ANXA5: variants seen among roughly 807,000 people sequenced by gnomAD.
The protein encoded by ANXA5 is CBP-I.
In ANXA5, 40 loss-of-function variants were observed where a neutral mutation model predicts 48.1. The ratio of observed to expected loss-of-function variants is 0.83; its 90% CI spans 0.65 to 1.08. The LOEUF is 1.08. Among genes scored for constraint, ANXA5 ranks in the 50% least tolerant of loss-of-function variants. ANXA5 has a pLI of 0.00. For missense variants in ANXA5, 357 were observed against 376.8 expected, an observed-to-expected ratio of 0.95 and a Z score of 0.44; for synonymous variants, 113 against 129.1, an observed-to-expected ratio of 0.88 and a Z score of 0.85.
Position 121,685,703 on chromosome 4 carries a change from A to C in ANXA5, c.94+585T>G, listed in dbSNP as rs1005816635. On this transcript the variant is annotated intron_variant, in intron 3 of 12. Coordinates refer to ENST00000296511, the MANE Select transcript of ANXA5 (RefSeq NM_001154.4). ...AATCCTTGAGATGAGAGGTTTTTAA[A>C]TGACTAGAAAAGAGGCTGGGGAAAG... Among the ~76,000 whole-genome samples the C allele has an allele frequency of 3.9e-5, 6 of 152,198 alleles. No individual in the cohort carries two copies. The South Asian group carries it at 1.2e-3, about 32-fold the overall frequency.
At chr4:121,685,061 C>T (rs569000295) in intron 3 of ANXA5, among the ~76,000 whole-genome samples, 2 of 147,008 alleles carry the variant, frequency 1.4e-5, no homozygotes, top group Non-Finnish European at 3.0e-5. Flanking sequence ...TACACACACA[C>T]ATATATATAT....
intron 12 of ANXA5, among the ~76,000 whole-genome samples, chr4:121,669,117 G>GTT (rs1724569387): frequency 6.6e-6 from 1 of 151,084 alleles, no homozygotes; most frequent in African/African-American, 2.4e-5. Context: ...AGAGCACCTT[G>GTT]TTTTAAAAAG....
intron 6 of ANXA5, among the ~76,000 whole-genome samples, chr4:121,680,020 T>C (rs1461300843): frequency 6.6e-6 from 1 of 152,212 alleles, no homozygotes; most frequent in Non-Finnish European, 1.5e-5. Flanking sequence ...CGTGTATGCT[T>C]TGACCAATAT....
intron 8 of ANXA5, among the ~76,000 whole-genome samples, chr4:121,674,558 T>C (rs1724667601): frequency 6.6e-6 from 1 of 152,166 alleles, no homozygotes; most frequent in African/African-American, 2.4e-5. Flanking sequence ...AAATGTTCTC[T>C]AGTAGGTACA....
At chr4:121,676,327 C>G (rs1051944748) in intron 8 of ANXA5, among the ~76,000 whole-genome samples, 1 of 152,142 alleles carries the variant, frequency 6.6e-6, no homozygotes, top group African/African-American at 2.4e-5. Flanking sequence ...CTCAAGAACA[C>G]TGAATATCTT....
At chr4:121,690,155 A>C (rs1724957683) in intron 2 of ANXA5, among the ~76,000 whole-genome samples, 1 of 152,212 alleles carries the variant, frequency 6.6e-6, no homozygotes. Flanking sequence ...TCTCAGGGAA[A>C]TCCCATCTTA....
chr4:121,687,866 T>TG (rs1724919729), intron 2 of ANXA5, among the ~76,000 whole-genome samples: 2 of 152,236 alleles, frequency 1.3e-5, no homozygotes, highest in Admixed American at 1.3e-4. Context: ...GGGCCTCCTT[T>TG]GCCTGCCTAG....
chr4:121,682,719 T>A (rs963603363), intron 5 of ANXA5, among the ~76,000 whole-genome samples: 1 of 152,172 alleles, frequency 6.6e-6, no homozygotes, highest in Non-Finnish European at 1.5e-5. Context: ...TATTTCCTTG[T>A]TAAATCTCAA....
intron 2 of ANXA5, among the ~76,000 whole-genome samples, chr4:121,696,307 G>T (rs1035877995): frequency 1.3e-5 from 2 of 152,098 alleles, no homozygotes; most frequent in Non-Finnish European, 2.9e-5. Context: ...TGAAAAGGGA[G>T]CGCACACAAA....
chr4:121,689,905 GAT>G (rs1247397104), intron 2 of ANXA5, among the ~76,000 whole-genome samples: 1 of 152,196 alleles, frequency 6.6e-6, no homozygotes, highest in Non-Finnish European at 1.5e-5. Context: ...TACTTAGGGT[GAT>G]TCTGTTTTTT....
chr4:121,673,262 T>C (rs905404196), intron 8 of ANXA5, among the ~76,000 whole-genome samples: 1 of 152,138 alleles, frequency 6.6e-6, no homozygotes, highest in Non-Finnish European at 1.5e-5. Flanking sequence ...GGGGAAAAAA[T>C]ATGCTTTCTT....
Position 121,669,992 on chromosome 4 carries a change from G to A in ANXA5, c.742C>T (p.Pro248Ser). Residue 248 changes from proline (P) to serine (S), a missense_variant, in exon 11 of 13, where the codon CCT (proline) becomes TCT (serine). Coordinates refer to ENST00000296511, the MANE Select transcript of ANXA5 (RefSeq NM_001154.4). ...TAGAGGGTCTCTGCAAGGTAGGCAGGTATACTTCGAATAGATTTCACTAAG... is the reference window on the plus strand; with the variant it reads ...TAGAGGGTCTCTGCAAGGTAGGCAGATATACTTCGAATAGATTTCACTAAG... ...LAVVKSIRSIPAYLAETLYYA... is the reference protein window; with the variant it reads ...LAVVKSIRSISAYLAETLYYA... 5 of 1,604,056 alleles carry A rather than the reference G, an allele frequency of 3.1e-6. No individual in the cohort carries two copies. The highest frequency in any genetic ancestry group is 4.3e-6 in the Non-Finnish European group (5 of 1,175,222).
At chr4:121,674,814 G>A (rs1474886786) in intron 8 of ANXA5, among the ~76,000 whole-genome samples, 1 of 152,126 alleles carries the variant, frequency 6.6e-6, no homozygotes, top group African/African-American at 2.4e-5. Flanking sequence ...ATCTGGATGA[G>A]GGACCCTTAC....
Position 121,683,338 on chromosome 4 carries a change from A to C in ANXA5, c.303+26T>G, listed in dbSNP as rs931265377. On this transcript the variant is annotated intron_variant, in intron 5 of 12. Transcript: ENST00000296511. ...ACAAAATAATACTATCTATGCAAGAATGTTCCTTTCACTCATCCTTTTTAC... is the reference window on the plus strand; with the variant it reads ...ACAAAATAATACTATCTATGCAAGACTGTTCCTTTCACTCATCCTTTTTAC... 3 of 1,403,486 alleles carry C rather than the reference A, an allele frequency of 2.1e-6. No homozygotes were observed. In the African/African-American group the frequency reaches 4.3e-5, roughly 20 times the overall value. 86.9% of individuals were successfully genotyped at this position (1,403,486 alleles called of 1,614,324 possible). A position where few individuals can be genotyped will look rare whatever the true frequency, so the allele number is the denominator to read the frequency against.
intron 3 of ANXA5, 134 bp from the exon 4 acceptor site, chr4:121,684,905 CG>C (rs1290890944): frequency 1.1e-5 from 7 of 640,138 alleles, no homozygotes; most frequent in African/African-American, 1.8e-5. Flanking sequence ...TTATGGCCGG[CG>C]CAGTGGCTCA....
chr4:121,668,855 C>A (rs1369855373), intron 12 of ANXA5, among the ~76,000 whole-genome samples: 1 of 151,912 alleles, frequency 6.6e-6, no homozygotes, highest in Non-Finnish European at 1.5e-5. Flanking sequence ...GCTCTCCCTC[C>A]GAGACAGAAG....
chr4:121,686,073 TA>T (rs1724883915), intron 3 of ANXA5, among the ~76,000 whole-genome samples: 1 of 150,244 alleles, frequency 6.7e-6, no homozygotes, highest in Non-Finnish European at 1.5e-5. Flanking sequence ...ATTGTTAGTG[TA>T]TTTTATGTGT....
At chr4:121,683,192 G>A (rs41278077) in intron 5 of ANXA5, among the ~76,000 whole-genome samples, 172 bp downstream of exon 5, 57 of 152,076 alleles carry the variant, frequency 3.7e-4, no homozygotes, top group Middle Eastern at 6.8e-3. Context: ...AATGACACAC[G>A]TGTAATTTTC....
At chr4:121,669,421 C>T in intron 12 of ANXA5, 181 bp downstream of exon 12, 1 of 731,478 alleles carries the variant, frequency 1.4e-6, no homozygotes, top group Non-Finnish European at 2.2e-6. Context: ...CATGCTTTCA[C>T]TTGGGAGCCA....
Sources: allele counts gnomAD v4.1 joint callset (sites outside exome capture counted in the v4.1 genomes callset), GRCh38; gene constraint gnomAD v4.1.1; transcripts MANE v1.5; gene names NCBI Gene and HGNC (gene_info 2026-07-23, HGNC 2026-07-21).